The following REEP3 variants were observed in gnomAD, a reference collection of about 807,000 sequenced individuals.
REEP3 encodes the protein receptor expression-enhancing protein 3.
A neutral mutation model predicts 41.3 loss-of-function variants in REEP3; 20 were observed. The observed-to-expected ratio is 0.48, with a 90% confidence interval of 0.34 to 0.70. The LOEUF is 0.70. REEP3 is among the 30% of genes least tolerant of loss of function. REEP3 has a pLI of 0.01. For synonymous variants in REEP3, 104 were observed against 101.8 expected (o/e 1.02, Z -0.13); for missense variants, 271 against 308.8 (o/e 0.88, Z 0.92).
chr10:63,615,363 T>A (rs564287911), intron 6 of REEP3, among the ~76,000 whole-genome samples: 128 of 152,240 alleles, frequency 8.4e-4, no homozygotes, highest in African/African-American at 2.7e-3. Context: ...TTTTGTTTTT[T>A]AATATATTAA....
intron 1 of REEP3, among the ~76,000 whole-genome samples, chr10:63,556,438 A>T (rs190169312): frequency 6.6e-6 from 1 of 150,630 alleles, no homozygotes; most frequent in Admixed American, 6.6e-5. Context: ...TCTATTTTTT[A>T]AATTCATTAC....
At chr10:63,563,782 A>G (rs1210968572) in intron 1 of REEP3, among the ~76,000 whole-genome samples, 1 of 152,240 alleles carries the variant, frequency 6.6e-6, no homozygotes, top group Non-Finnish European at 1.5e-5. Context: ...AACAGCAGTG[A>G]TAAGTCACGT....
Position 63,599,298 on chromosome 10 carries a change from A to G in REEP3, c.417+15A>G, listed in dbSNP as rs1589883527. 1.6e-6 allele frequency: 2 copies of G among 1,214,792 alleles called. No homozygotes were observed. Among genetic ancestry groups the G allele is most frequent in the Non-Finnish European group, 2.3e-6 (2 of 868,828 alleles). 75.3% of individuals were successfully genotyped at this position (1,214,792 alleles called of 1,614,324 possible). ...CAGCAGTAAAGGTAATTGTTCATTT[A>G]CCTTTTTAATCCAATGTCATATTAA... On this transcript the variant is annotated intron_variant, in intron 5 of 7. Transcript: ENST00000373758.
intron 6 of REEP3, among the ~76,000 whole-genome samples, chr10:63,611,054 A>G (rs1956273859): frequency 6.6e-6 from 1 of 152,202 alleles, no homozygotes; most frequent in South Asian, 2.1e-4. Context: ...CCTGGGCAAC[A>G]GAGTGAGACT....
chr10:63,618,700 G>A (rs1395448638), intron 6 of REEP3, among the ~76,000 whole-genome samples: 1 of 152,182 alleles, frequency 6.6e-6, no homozygotes, highest in Non-Finnish European at 1.5e-5. Context: ...GCATTACCTG[G>A]GAACTTGTCA....
chr10:63,532,476 C>T (rs1440818907), intron 1 of REEP3, among the ~76,000 whole-genome samples: 1 of 152,028 alleles, frequency 6.6e-6, no homozygotes, highest in African/African-American at 2.4e-5. Flanking sequence ...CCCTGGCTAA[C>T]ACGGTGAAAC....
intron 4 of REEP3, 132 bp from the exon 5 acceptor site, chr10:63,599,038 A>G: frequency 1.7e-6 from 1 of 574,260 alleles, no homozygotes. Flanking sequence ...AAGAAAAGAA[A>G]AGAAAGAAAT....
intron 1 of REEP3, among the ~76,000 whole-genome samples, chr10:63,537,090 A>G (rs1259928524): frequency 1.3e-5 from 2 of 152,372 alleles, no homozygotes; most frequent in South Asian, 4.1e-4. Context: ...GCAAAAGTCT[A>G]TGAAAAATAA....
At chr10:63,561,052 C>T (rs1405489901) in intron 1 of REEP3, among the ~76,000 whole-genome samples, 1 of 152,148 alleles carries the variant, frequency 6.6e-6, no homozygotes, top group Non-Finnish European at 1.5e-5. Context: ...TTTCTACTTT[C>T]TACTCTTACA....
chr10:63,550,263 G>A (rs891817014), intron 1 of REEP3, among the ~76,000 whole-genome samples: 3 of 152,186 alleles, frequency 2.0e-5, no homozygotes, highest in Non-Finnish European at 2.9e-5. Flanking sequence ...AGTGATAGAA[G>A]TGAAGAATCT....
chr10:63,521,588 C>T lies in REEP3; in HGVS notation c.32+11C>T. ...CTCCAGAGCCGTGGTGTAAGTGCCTCTCACTGCGCCCTGCAGCCGGCGCGA... is the reference window on the plus strand; with the variant it reads ...CTCCAGAGCCGTGGTGTAAGTGCCTTTCACTGCGCCCTGCAGCCGGCGCGA... On this transcript the variant is annotated intron_variant, in intron 1 of 7. Transcript: ENST00000373758. 1 of 1,411,120 alleles carries T rather than the reference C, an allele frequency of 7.1e-7. No individual in the cohort carries two copies. Among genetic ancestry groups the T allele is most frequent in the Non-Finnish European group, 9.3e-7 (1 of 1,069,578 alleles). 87.4% of individuals were successfully genotyped at this position (1,411,120 alleles called of 1,614,324 possible). A position where few individuals can be genotyped will look rare whatever the true frequency, so the allele number is the denominator to read the frequency against.
At position 63,562,866 on chromosome 10, in the gene REEP3, C is replaced by G. The variant is rs867922284; in HGVS notation, c.33-3472C>G. On this transcript the variant is annotated intron_variant, in intron 1 of 7. Transcript: ENST00000373758. ...ATGGGCTGAATTCTGTCTCCCCAAA[C>G]TTCATATATTGAAGTCCTAACCCCC... The G allele has an allele frequency of 1.2e-4, 54 of 452,374 alleles. 3 individuals are homozygous for G. The Middle Eastern group carries it at 0.013, about 109-fold the overall frequency. 28.0% of individuals were successfully genotyped at this position (452,374 alleles called of 1,614,324 possible).
At chr10:63,614,369 G>C (rs1956297706) in intron 6 of REEP3, among the ~76,000 whole-genome samples, 1 of 152,148 alleles carries the variant, frequency 6.6e-6, no homozygotes, top group South Asian at 2.1e-4. Flanking sequence ...GGGGTGACTG[G>C]ACTTGGCAAA....
At chr10:63,553,156 T>C (rs1304258817) in intron 1 of REEP3, among the ~76,000 whole-genome samples, 1 of 152,184 alleles carries the variant, frequency 6.6e-6, no homozygotes, top group African/African-American at 2.4e-5. Context: ...AAACAGGCAG[T>C]GTGGCTCTGA....
At chr10:63,597,035 G>C (rs1006292639) in intron 3 of REEP3, among the ~76,000 whole-genome samples, 1 of 152,144 alleles carries the variant, frequency 6.6e-6, no homozygotes, top group African/African-American at 2.4e-5. Flanking sequence ...GAGTGAGGGA[G>C]TCGAAGGGTG....
intron 2 of REEP3, among the ~76,000 whole-genome samples, chr10:63,581,464 C>T (rs1486941934): frequency 1.3e-5 from 2 of 151,984 alleles, no homozygotes; most frequent in Non-Finnish European, 2.9e-5. Flanking sequence ...CTCTTGGCTA[C>T]GTGTGGCAAC....
intron 2 of REEP3, among the ~76,000 whole-genome samples, chr10:63,567,010 C>T (rs1955805266): frequency 6.6e-6 from 1 of 152,144 alleles, no homozygotes; most frequent in Non-Finnish European, 1.5e-5. Flanking sequence ...AAGTTCTCCT[C>T]ATTTCTCATT....
chr10:63,529,861 C>T (rs1395125381), intron 1 of REEP3, among the ~76,000 whole-genome samples: 1 of 151,886 alleles, frequency 6.6e-6, no homozygotes, highest in Non-Finnish European at 1.5e-5. Flanking sequence ...TCAATGCAAC[C>T]TCCACCTCCT....
rs1956349469 is a variant in REEP3 at position 63,620,988 on chromosome 10, G to A, written c.*119G>A. Reference sequence around the variant, plus strand: ...ATTATTTAAATTGTGGCAGTGATGGGGTTTACTTTCATGAATTTAAATTGT... The same window carrying A: ...ATTATTTAAATTGTGGCAGTGATGGAGTTTACTTTCATGAATTTAAATTGT... On this transcript the variant is annotated 3_prime_UTR_variant, in exon 8 of 8. Coordinates refer to ENST00000373758, the MANE Select transcript of REEP3 (RefSeq NM_001001330.3). 2 of 566,076 alleles carry A rather than the reference G, an allele frequency of 3.5e-6. No homozygotes were observed. Among genetic ancestry groups the A allele is most frequent in the Admixed American group, 3.6e-5 (1 of 27,822 alleles). The allele number at this position is 566,076 out of a possible 1,614,324, so 35.1% of individuals were successfully genotyped here. A position where few individuals can be genotyped will look rare whatever the true frequency, so the allele number is the denominator to read the frequency against.
Sources: gnomAD v4.1 joint callset for allele counts (sites outside exome capture counted in the v4.1 genomes callset) on GRCh38, gnomAD v4.1.1 for gene constraint, MANE v1.5 for transcripts, NCBI Gene and HGNC (gene_info 2026-07-23, HGNC 2026-07-21) for gene names.